ST6GALNAC3: variants seen among roughly 807,000 people sequenced by gnomAD.
ST6GALNAC3 encodes the protein ST6 N-acetylgalactosaminide alpha-2,6-sialyltransferase 3, also known as alpha-N-acetylgalactosaminide alpha-2,6-sialyltransferase 3.
A neutral mutation model predicts 32.7 loss-of-function variants in ST6GALNAC3; 25 were observed. The ratio of observed to expected loss-of-function variants is 0.76; its 90% CI spans 0.56 to 1.07. The LOEUF (loss-of-function observed/expected upper bound fraction) is 1.07. Among genes scored for constraint, ST6GALNAC3 ranks in the 50% least tolerant of loss-of-function variants. The pLI, the probability that ST6GALNAC3 is intolerant of heterozygous loss-of-function variation, is 0.00. For synonymous variants in ST6GALNAC3, 129 were observed against 133.1 expected (o/e 0.97, Z 0.21); for missense variants, 355 against 382.4 (o/e 0.93, Z 0.60).
chr1:76,261,822 C>T (rs895347445), intron 1 of ST6GALNAC3, among the ~76,000 whole-genome samples: 9 of 152,228 alleles, frequency 5.9e-5, no homozygotes, highest in South Asian at 2.1e-4. Flanking sequence ...CATTTGTTAA[C>T]CAAAAAATGT....
At chr1:76,568,699 C>T (rs1363635923) in intron 3 of ST6GALNAC3, among the ~76,000 whole-genome samples, 4 of 152,114 alleles carry the variant, frequency 2.6e-5, no homozygotes, top group East Asian at 1.9e-4. Context: ...AACACAGACA[C>T]GCAGTATAGT....
intron 1 of ST6GALNAC3, among the ~76,000 whole-genome samples, chr1:76,278,759 T>G (rs2100779483): frequency 6.6e-6 from 1 of 152,296 alleles, no homozygotes; most frequent in Non-Finnish European, 1.5e-5. Context: ...TTAGGTGTTA[T>G]TTGTCCTATT....
chr1:76,586,717 T>C (rs1341252957), intron 3 of ST6GALNAC3, among the ~76,000 whole-genome samples: 7 of 152,216 alleles, frequency 4.6e-5, no homozygotes, highest in African/African-American at 1.7e-4. Context: ...GTGACATTAA[T>C]CAGTGTTTTA....
chr1:76,399,940 T>C (rs1265859485), intron 2 of ST6GALNAC3, among the ~76,000 whole-genome samples: 1 of 152,162 alleles, frequency 6.6e-6, no homozygotes. Flanking sequence ...ATAAAAACTA[T>C]AACAAATTAT....
intron 1 of ST6GALNAC3, among the ~76,000 whole-genome samples, chr1:76,255,763 T>C (rs1657884795): frequency 6.6e-6 from 1 of 152,068 alleles, no homozygotes; most frequent in African/African-American, 2.4e-5. Context: ...TGCTAAGGAC[T>C]TAATCTTTCT....
chr1:76,555,759 T>C (rs1008095671), intron 3 of ST6GALNAC3, among the ~76,000 whole-genome samples: 2 of 152,092 alleles, frequency 1.3e-5, no homozygotes, highest in African/African-American at 4.8e-5. Flanking sequence ...TTTGAAGAGC[T>C]AGATAAAGAT....
At chr1:76,425,260 A>G (rs1416494080) in intron 3 of ST6GALNAC3, among the ~76,000 whole-genome samples, 2 of 151,944 alleles carry the variant, frequency 1.3e-5, no homozygotes, top group Non-Finnish European at 2.9e-5. Flanking sequence ...TATAGCGCCT[A>G]TGCAAATAGG....
intron 1 of ST6GALNAC3, among the ~76,000 whole-genome samples, chr1:76,206,959 C>T (rs67877759): frequency 0.076 from 11,546 of 152,138 alleles, 445 homozygotes; most frequent in Middle Eastern, 0.11. Flanking sequence ...CCCTTGAGGA[C>T]GCAATATGCT....
intron 1 of ST6GALNAC3, among the ~76,000 whole-genome samples, chr1:76,180,907 G>A (rs1407104355): frequency 6.6e-6 from 1 of 152,214 alleles, no homozygotes; most frequent in African/African-American, 2.4e-5. Context: ...AAGAGCTCAG[G>A]ATATGAAAGG....
chr1:76,074,911 C>T, intron 1 of ST6GALNAC3, 27 bp downstream of exon 1: 2 of 1,582,210 alleles, frequency 1.3e-6, no homozygotes, highest in African/African-American at 1.3e-5. Context: ...GTGGCTCGGA[C>T]GCGTGGTTGG....
At chr1:76,439,558 T>G (rs1656397474) in intron 3 of ST6GALNAC3, among the ~76,000 whole-genome samples, 1 of 152,206 alleles carries the variant, frequency 6.6e-6, no homozygotes, top group South Asian at 2.1e-4. Context: ...CTACCCACTT[T>G]CCTTTCCATT....
intron 2 of ST6GALNAC3, among the ~76,000 whole-genome samples, chr1:76,388,189 T>G (rs1652246420): frequency 6.6e-6 from 1 of 152,238 alleles, no homozygotes; most frequent in Non-Finnish European, 1.5e-5. Flanking sequence ...TCCCACTTAT[T>G]AATCCATAAG....
At chr1:76,171,727 A>G (rs1282545394) in intron 1 of ST6GALNAC3, among the ~76,000 whole-genome samples, 2 of 151,920 alleles carry the variant, frequency 1.3e-5, no homozygotes, top group Non-Finnish European at 2.9e-5. Context: ...CACCCTACCA[A>G]GACTAAACCA....
At chr1:76,245,683 A>G (rs1486978647) in intron 1 of ST6GALNAC3, among the ~76,000 whole-genome samples, 2 of 152,088 alleles carry the variant, frequency 1.3e-5, no homozygotes, top group African/African-American at 2.4e-5. Flanking sequence ...TAATTTTATT[A>G]TTTACCCAGG....
At chr1:76,442,477 G>T (rs1180906210) in intron 3 of ST6GALNAC3, among the ~76,000 whole-genome samples, 1 of 152,162 alleles carries the variant, frequency 6.6e-6, no homozygotes, top group Non-Finnish European at 1.5e-5. Context: ...AGAGGTGATT[G>T]TACTAAATTT....
chr1:76,558,697 C>T (rs901502739), intron 3 of ST6GALNAC3, among the ~76,000 whole-genome samples: 3 of 152,258 alleles, frequency 2.0e-5, no homozygotes, highest in African/African-American at 7.2e-5. Flanking sequence ...AAGTTTAGTG[C>T]TGCAATTTAC....
At chr1:76,377,544 G>T (rs1408740325) in intron 2 of ST6GALNAC3, among the ~76,000 whole-genome samples, 1 of 152,060 alleles carries the variant, frequency 6.6e-6, no homozygotes, top group Non-Finnish European at 1.5e-5. Context: ...GAACAGCAAG[G>T]GGGAAGTTTG....
chr1:76,223,261 GCCA>G (rs1331969399), intron 1 of ST6GALNAC3, among the ~76,000 whole-genome samples: 18 of 152,138 alleles, frequency 1.2e-4, no homozygotes, highest in African/African-American at 4.1e-4. Context: ...GGATCTGTAA[GCCA>G]TTATCCTAAG....
In ST6GALNAC3 at chr1:76,117,780, G is replaced by A. The variant is rs1223415151; in HGVS notation, c.18+42896G>A. ...AATTGGGAAGCAGTGTAGTATATGG[G>A]ATAAGAGCAGGCTGTGTGGATTCAG... On this transcript the variant is annotated intron_variant, in intron 1 of 4. Coordinates refer to ENST00000328299, the MANE Select transcript of ST6GALNAC3 (RefSeq NM_152996.4). Among the ~76,000 whole-genome samples the A allele has an allele frequency of 3.3e-5, 5 of 152,132 alleles. No individual in the cohort carries two copies. The East Asian group carries it at 9.6e-4, about 29-fold the overall frequency.
Sources: gnomAD v4.1 joint callset for allele counts (sites outside exome capture counted in the v4.1 genomes callset) on GRCh38, gnomAD v4.1.1 for gene constraint, MANE v1.5 for transcripts, NCBI Gene and HGNC (gene_info 2026-07-23, HGNC 2026-07-21) for gene names.